Variants in TM9SF2 observed in about 807,000 individuals in gnomAD.
TM9SF2 encodes transmembrane 9 superfamily member 2, also known as 76 kDa membrane protein.
TM9SF2 carries 13 observed loss-of-function variants against 84.9 expected under a neutral mutation model. The ratio of observed to expected loss-of-function variants is 0.15; its 90% CI spans 0.10 to 0.24. The LOEUF is 0.24. Ranked by LOEUF, TM9SF2 falls within the 10% of genes least tolerant of loss-of-function variation. TM9SF2 has a pLI of 1.00. For synonymous variants in TM9SF2, 273 were observed against 285.8 expected, an observed-to-expected ratio of 0.96 and a Z score of 0.45; for missense variants, 562 against 818.5, an observed-to-expected ratio of 0.69 and a Z score of 3.82.
chr13:99,521,168 A>G (rs1234029050), intron 3 of TM9SF2, among the ~76,000 whole-genome samples: 1 of 152,252 alleles, frequency 6.6e-6, no homozygotes, highest in East Asian at 1.9e-4. Flanking sequence ...AAATGATGCA[A>G]AAGAATAAAT....
At chr13:99,532,068 T>C (rs2046212594) in intron 4 of TM9SF2, among the ~76,000 whole-genome samples, 1 of 151,946 alleles carries the variant, frequency 6.6e-6, no homozygotes, top group African/African-American at 2.4e-5. Flanking sequence ...TTCTTTTTTT[T>C]TGAGACGGAA....
chr13:99,555,127 G>T (rs1484463234), intron 14 of TM9SF2, among the ~76,000 whole-genome samples: 3 of 152,172 alleles, frequency 2.0e-5, no homozygotes, highest in Non-Finnish European at 4.4e-5. Flanking sequence ...GCTTTTTAAT[G>T]ATTAGAACAT....
At position 99,563,444 on chromosome 13, in the gene TM9SF2, C is replaced by G. The variant is rs1265985776; in HGVS notation, c.*686C>G. 2 of 152,198 alleles carry G rather than the reference C, an allele frequency of 1.3e-5. No homozygotes were observed. The highest frequency in any genetic ancestry group is 4.8e-5 in the African/African-American group (2 of 41,446). 9.4% of individuals were successfully genotyped at this position (152,198 alleles called of 1,614,324 possible). Reference sequence around the variant, plus strand: ...TCAAGGAGGTTCTGTAAATACAGATCTATTTACCAAGGTGTTTTGAAATGA... The same window carrying G: ...TCAAGGAGGTTCTGTAAATACAGATGTATTTACCAAGGTGTTTTGAAATGA... On this transcript the variant is annotated 3_prime_UTR_variant, in exon 17 of 17. Transcript: ENST00000376387.
At chr13:99,508,515 A>G (rs1189601662) in intron 1 of TM9SF2, among the ~76,000 whole-genome samples, 1 of 151,470 alleles carries the variant, frequency 6.6e-6, no homozygotes, top group Non-Finnish European at 1.5e-5. Context: ...TATATGCTGT[A>G]TTAGGCTGTT....
intron 5 of TM9SF2, among the ~76,000 whole-genome samples, chr13:99,537,026 A>T (rs1296154319): frequency 6.6e-6 from 1 of 152,204 alleles, no homozygotes; most frequent in Admixed American, 6.5e-5. Flanking sequence ...CTTATATATT[A>T]CAAAATGTAC....
chr13:99,557,175 C>T (rs528970650), intron 15 of TM9SF2, among the ~76,000 whole-genome samples: 2 of 152,282 alleles, frequency 1.3e-5, no homozygotes, highest in South Asian at 4.1e-4. Flanking sequence ...TTCCAATTCT[C>T]CGTATCTTTG....
chr13:99,512,589 G>C (rs2139073093), intron 1 of TM9SF2, among the ~76,000 whole-genome samples: 1 of 152,346 alleles, frequency 6.6e-6, no homozygotes, highest in South Asian at 2.1e-4. Flanking sequence ...TGGAATAAGA[G>C]TGATAGTAAT....
chr13:99,551,920 G>A (rs2046306878), intron 12 of TM9SF2, among the ~76,000 whole-genome samples: 1 of 152,192 alleles, frequency 6.6e-6, no homozygotes, highest in African/African-American at 2.4e-5. Flanking sequence ...ACAATCCCAA[G>A]TGTAATGAAA....
chr13:99,555,566 C>T lies in TM9SF2; in HGVS notation c.1671C>T (p.Phe557=), dbSNP rs902443349. Reference sequence around the variant, plus strand: ...ACCAGATGTATTACATGTTTGGCTTCCTATTTCTGGTGTTTATCATTTTGG... The same window carrying T: ...ACCAGATGTATTACATGTTTGGCTTTCTATTTCTGGTGTTTATCATTTTGG... ...WSHQMYYMFG[F]LFLVFIILVI... Residue 557 remains phenylalanine (F), a synonymous_variant, in exon 15 of 17, where the codon TTC becomes TTT. Coordinates refer to ENST00000376387, the MANE Select transcript of TM9SF2 (RefSeq NM_004800.3). 1 of 1,613,846 alleles carries T rather than the reference C, an allele frequency of 6.2e-7. No individual in the cohort carries two copies. The highest frequency in any genetic ancestry group is 8.5e-7 in the Non-Finnish European group (1 of 1,179,852).
chr13:99,562,163 A>T (rs2046347358), intron 16 of TM9SF2, among the ~76,000 whole-genome samples: 1 of 152,146 alleles, frequency 6.6e-6, no homozygotes, highest in African/African-American at 2.4e-5. Context: ...GCTGTCCCTC[A>T]TTTTCAGCTA....
intron 7 of TM9SF2, among the ~76,000 whole-genome samples, chr13:99,540,165 A>G (rs1376438323): frequency 6.6e-6 from 1 of 152,192 alleles, no homozygotes; most frequent in African/African-American, 2.4e-5. Context: ...TTATCATTAA[A>G]ATGCAAGAAT....
At chr13:99,538,783 C>T (rs146238638) in intron 6 of TM9SF2, among the ~76,000 whole-genome samples, 8 of 150,770 alleles carry the variant, frequency 5.3e-5, no homozygotes, top group South Asian at 2.1e-4. Flanking sequence ...CACTGTGGCC[C>T]GTGCCTGTAG....
Position 99,517,623 on chromosome 13 carries a change from G to C in TM9SF2, c.181G>C (p.Glu61Gln), listed in dbSNP as rs901377118. 1.3e-6 allele frequency: 2 copies of C among 1,580,256 alleles called. No homozygotes were observed. Among genetic ancestry groups the C allele is most frequent in the Admixed American group, 1.8e-5 (1 of 55,326 alleles). Reference protein sequence around the residue: ...KKSDECKAEIELFVNRLDSVE... With the variant: ...KKSDECKAEIQLFVNRLDSVE... ...GTTTCCTTATTTTCAGGCCGAAATA[G>C]AACTATTTGTGAACAGACTTGATTC... The change falls in exon 2 of 17, where the codon GAA (glutamate) becomes CAA (glutamine). Residue 61 changes from glutamate to glutamine, a missense_variant. Transcript: ENST00000376387.
At chr13:99,527,797 A>G (rs1191423211) in intron 3 of TM9SF2, among the ~76,000 whole-genome samples, 4 of 152,236 alleles carry the variant, frequency 2.6e-5, no homozygotes, top group Non-Finnish European at 5.9e-5. Context: ...ATCAGTCAGC[A>G]TGCTAGGTGT....
intron 10 of TM9SF2, among the ~76,000 whole-genome samples, chr13:99,544,905 G>T (rs555690644): frequency 7.9e-4 from 120 of 152,136 alleles, no homozygotes; most frequent in African/African-American, 2.8e-3. Context: ...TTCCTTAGAG[G>T]TATTGATAGC....
chr13:99,537,172 A>G (rs2046238387), intron 5 of TM9SF2, among the ~76,000 whole-genome samples: 1 of 152,206 alleles, frequency 6.6e-6, no homozygotes, highest in Non-Finnish European at 1.5e-5. Context: ...TCAAATAGAG[A>G]CATTACTATA....
chr13:99,552,422 A>G, intron 13 of TM9SF2, 96 bp downstream of exon 13: 1 of 1,226,982 alleles, frequency 8.2e-7, no homozygotes, highest in East Asian at 2.4e-5. Context: ...GTAAAGATGT[A>G]AACTTGTCCT....
At chr13:99,523,291 A>G (rs1452975898) in intron 3 of TM9SF2, among the ~76,000 whole-genome samples, 3 of 152,096 alleles carry the variant, frequency 2.0e-5, no homozygotes, top group Non-Finnish European at 4.4e-5. Context: ...AGCTGGAACT[A>G]CAGATATGCC....
intron 1 of TM9SF2, among the ~76,000 whole-genome samples, chr13:99,503,273 C>T (rs1380755593): frequency 6.6e-6 from 1 of 151,950 alleles, no homozygotes; most frequent in Non-Finnish European, 1.5e-5. Context: ...ATTTCCTGCC[C>T]TCTGGGAACC....
Sources: gnomAD v4.1 joint callset for allele counts (sites outside exome capture counted in the v4.1 genomes callset) on GRCh38, gnomAD v4.1.1 for gene constraint, MANE v1.5 for transcripts, NCBI Gene and HGNC (gene_info 2026-07-23, HGNC 2026-07-21) for gene names.